The following SLC39A11 variants were observed in gnomAD, a reference collection of about 807,000 sequenced individuals.
SLC39A11 encodes the protein solute carrier family 39 member 11, also known as zinc transporter ZIP11.
Under a neutral mutation model 36.1 loss-of-function variants are expected in SLC39A11, and 33 were observed. That is an observed-to-expected ratio of 0.91 (90% CI 0.69 to 1.22). SLC39A11 has a LOEUF of 1.22. Ranked by LOEUF, SLC39A11 falls within the 50% of genes most tolerant of loss-of-function variation. The pLI is 0.00. For missense variants in SLC39A11, 432 were observed against 430.3 expected, an observed-to-expected ratio of 1.00 and a Z score of -0.03; for synonymous variants, 166 against 170.3, an observed-to-expected ratio of 0.97 and a Z score of 0.20.
At chr17:72,955,714 T>G (rs76998914) in intron 4 of SLC39A11, among the ~76,000 whole-genome samples, 73 of 152,146 alleles carry the variant, frequency 4.8e-4, no homozygotes, top group African/African-American at 1.7e-3. Flanking sequence ...GTTCAATAAT[T>G]CAATTAATTT....
Position 73,035,893 on chromosome 17 carries a change from G to A in SLC39A11, c.148-4179C>T, listed in dbSNP as rs571593423. ...AAAAAAAAAAAAAAAAAAAAGAAGG[G>A]TCAGAATCAGAGAGAAAATATGATA... On this transcript the variant is annotated intron_variant, in intron 3 of 9. Transcript: ENST00000255559. Among the ~76,000 whole-genome samples the A allele has an allele frequency of 5.6e-4, 83 of 149,088 alleles. 1 individual carries two copies. Among genetic ancestry groups the A allele is most frequent in the African/African-American group, 2.0e-3 (82 of 40,762 alleles).
intron 7 of SLC39A11, among the ~76,000 whole-genome samples, chr17:72,699,193 T>C (rs1200653513): frequency 6.6e-6 from 1 of 152,164 alleles, no homozygotes; most frequent in African/African-American, 2.4e-5. Context: ...TCTTTTGGCT[T>C]CCCTGGGCCA....
intron 6 of SLC39A11, among the ~76,000 whole-genome samples, chr17:72,836,346 CTT>C (rs11385302): frequency 2.1e-5 from 3 of 145,608 alleles, no homozygotes; most frequent in Non-Finnish European, 3.0e-5. Flanking sequence ...TGGCCTCGGG[CTT>C]TTTTTTTTTT....
intron 7 of SLC39A11, among the ~76,000 whole-genome samples, chr17:72,680,106 C>A (rs572476587): frequency 6.8e-6 from 1 of 146,596 alleles, no homozygotes; most frequent in African/African-American, 2.6e-5. Context: ...TAGAACTCAG[C>A]ATTTTAACCA....
chr17:72,760,079 T>G (rs2075517863), intron 6 of SLC39A11, among the ~76,000 whole-genome samples: 1 of 152,202 alleles, frequency 6.6e-6, no homozygotes, highest in African/African-American at 2.4e-5. Context: ...AAAGCTGGAG[T>G]GCAGTGGTGC....
intron 5 of SLC39A11, among the ~76,000 whole-genome samples, chr17:72,914,791 T>A (rs2083237909): frequency 6.6e-6 from 1 of 151,544 alleles, no homozygotes; most frequent in African/African-American, 2.4e-5. Flanking sequence ...TCACTTGAAC[T>A]CGGGAGGCGG....
At chr17:72,724,184 G>A (rs2073827512) in intron 7 of SLC39A11, among the ~76,000 whole-genome samples, 1 of 152,082 alleles carries the variant, frequency 6.6e-6, no homozygotes, top group Non-Finnish European at 1.5e-5. Context: ...GGGAGAAGGG[G>A]AGAGGAAAGA....
At chr17:72,939,233 G>T (rs1007610370) in intron 5 of SLC39A11, among the ~76,000 whole-genome samples, 3 of 152,272 alleles carry the variant, frequency 2.0e-5, no homozygotes, top group African/African-American at 7.2e-5. Flanking sequence ...GGCCGAGGTG[G>T]GTGGGTCACC....
At chr17:72,979,170 T>C (rs1386665629) in intron 4 of SLC39A11, among the ~76,000 whole-genome samples, 2 of 152,094 alleles carry the variant, frequency 1.3e-5, no homozygotes, top group Non-Finnish European at 2.9e-5. Flanking sequence ...AAGGGGCTCC[T>C]CCCCCTTCGC....
intron 7 of SLC39A11, among the ~76,000 whole-genome samples, chr17:72,709,489 T>C (rs1014225767): frequency 3.3e-5 from 5 of 152,202 alleles, no homozygotes; most frequent in South Asian, 4.1e-4. Flanking sequence ...CTTTCACCTA[T>C]TGCTTGAGGG....
chr17:72,950,935 A>G (rs1220438522), intron 4 of SLC39A11, among the ~76,000 whole-genome samples: 1 of 152,084 alleles, frequency 6.6e-6, no homozygotes, highest in East Asian at 1.9e-4. Context: ...GCTATGAAAT[A>G]TTCAACAATG....
chr17:72,825,972 AG>A (rs1315238939), intron 6 of SLC39A11, among the ~76,000 whole-genome samples: 1 of 152,174 alleles, frequency 6.6e-6, no homozygotes, highest in Non-Finnish European at 1.5e-5. Context: ...AGCTGGAATG[AG>A]TTAAGACTTT....
At chr17:73,003,768 A>G (rs547561014) in intron 4 of SLC39A11, among the ~76,000 whole-genome samples, 2 of 151,974 alleles carry the variant, frequency 1.3e-5, no homozygotes, top group East Asian at 3.9e-4. Context: ...AGATTTCACA[A>G]CTCTCTTACC....
chr17:72,994,811 C>A (rs542302517), intron 4 of SLC39A11, among the ~76,000 whole-genome samples: 1 of 152,122 alleles, frequency 6.6e-6, no homozygotes, highest in Admixed American at 6.6e-5. Flanking sequence ...ATGCCCTATA[C>A]GGACTGGGTT....
chr17:73,006,584 G>A (rs1053149798), intron 4 of SLC39A11, among the ~76,000 whole-genome samples: 3 of 151,910 alleles, frequency 2.0e-5, no homozygotes, highest in Admixed American at 6.6e-5. Context: ...TAGTTCACCC[G>A]ACCACCTGAT....
At chr17:72,796,150 C>A (rs2076888347) in intron 6 of SLC39A11, among the ~76,000 whole-genome samples, 1 of 152,164 alleles carries the variant, frequency 6.6e-6, no homozygotes, top group Non-Finnish European at 1.5e-5. Context: ...CTGGGCTGAG[C>A]CTCAGGCAGC....
chr17:72,977,352 C>T (rs898270766), intron 4 of SLC39A11, among the ~76,000 whole-genome samples: 5 of 152,190 alleles, frequency 3.3e-5, no homozygotes, highest in South Asian at 2.1e-4. Flanking sequence ...AGAACACGAC[C>T]GGCTGACCCA....
At chr17:73,061,347 A>T (rs1299681882) in intron 3 of SLC39A11, among the ~76,000 whole-genome samples, 1 of 152,154 alleles carries the variant, frequency 6.6e-6, no homozygotes, top group Non-Finnish European at 1.5e-5. Flanking sequence ...GCAACAGGGC[A>T]AGACTCTGTC....
At chr17:73,066,127 G>T (rs141764739) in intron 3 of SLC39A11, among the ~76,000 whole-genome samples, 1 of 152,154 alleles carries the variant, frequency 6.6e-6, no homozygotes, top group Non-Finnish European at 1.5e-5. Context: ...CAGACTCTCC[G>T]GTTTCCACCT....
Sources: gnomAD v4.1 joint callset for allele counts (sites outside exome capture counted in the v4.1 genomes callset) on GRCh38, gnomAD v4.1.1 for gene constraint, MANE v1.5 for transcripts, NCBI Gene and HGNC (gene_info 2026-07-23, HGNC 2026-07-21) for gene names.